The following GABRG3 variants were observed in gnomAD, a reference collection of about 807,000 sequenced individuals.
The protein encoded by GABRG3 is gamma-aminobutyric acid receptor subunit gamma-3.
GABRG3 carries 25 observed loss-of-function variants against 48.8 expected under a neutral mutation model. The ratio of observed to expected loss-of-function variants is 0.51; its 90% CI spans 0.37 to 0.72. GABRG3 has a LOEUF of 0.72. Among genes scored for constraint, GABRG3 ranks in the 30% least tolerant of loss-of-function variants. The probability of loss-of-function intolerance (pLI) is 0.00; values close to 1 mark genes in which losing one functional copy is unlikely to be tolerated. For missense variants in GABRG3, 394 were observed against 577.9 expected (o/e 0.68, Z 3.26); for synonymous variants, 227 against 217.6 (o/e 1.04, Z -0.38).
rs1266376837 is a variant in GABRG3 at position 27,308,290 on chromosome 15, TATATAAACATC to T, written c.271-18508_271-18498del. Among the ~76,000 whole-genome samples, 77 of 135,758 alleles carry T rather than the reference TATATAAACATC, an allele frequency of 5.7e-4. 1 individual carries two copies. Among genetic ancestry groups the T allele is most frequent in the African/African-American group, 2.1e-3 (70 of 32,864 alleles). 89.1% of individuals were successfully genotyped at this position (135,758 alleles called of 152,430 possible). ...TAAACATAATATAAACATACGTTTA[TATATAAACATC>T]ATATAAACATATATAAACATACGTT... On this transcript the variant is annotated intron_variant, in intron 3 of 9. Coordinates refer to ENST00000615808, the MANE Select transcript of GABRG3 (RefSeq NM_033223.5).
chr15:27,422,899 C>A (rs1595744829), intron 5 of GABRG3, among the ~76,000 whole-genome samples: 1 of 152,210 alleles, frequency 6.6e-6, no homozygotes, highest in African/African-American at 2.4e-5. Context: ...AGAGCAAGAG[C>A]AACTGGGAAA....
intron 3 of GABRG3, among the ~76,000 whole-genome samples, chr15:27,298,271 T>C (rs1449652123): frequency 2.0e-5 from 3 of 152,278 alleles, no homozygotes; most frequent in Admixed American, 2.0e-4. Flanking sequence ...AAGAAAGATA[T>C]ACCATGTGTA....
At chr15:27,422,067 C>CTT (rs2140612229) in intron 5 of GABRG3, among the ~76,000 whole-genome samples, 1 of 150,482 alleles carries the variant, frequency 6.6e-6, no homozygotes, top group Non-Finnish European at 1.5e-5. Context: ...TGGGAGTGGG[C>CTT]TGCATATCCA....
chr15:27,365,937 C>A (rs1397648616), intron 5 of GABRG3: 1 of 152,108 alleles, frequency 6.6e-6, no homozygotes, highest in African/African-American at 2.4e-5. Context: ...ATTTATAGGG[C>A]TTGTTGTTAT....
chr15:27,088,245 CGGGGCGGGCGCGGGGGCGGGCGCG>C (rs71130298), intron 3 of GABRG3, among the ~76,000 whole-genome samples: 86 of 107,916 alleles, frequency 8.0e-4, no homozygotes, highest in African/African-American at 2.7e-3. Context: ...TGGGAGTGCT[CGGGGCGGGCGCGGGGGCGGGCGCG>C]GGGGCGGGCG....
chr15:27,339,413 A>C (rs1016218579), intron 5 of GABRG3, among the ~76,000 whole-genome samples: 1 of 152,242 alleles, frequency 6.6e-6, no homozygotes, highest in African/African-American at 2.4e-5. Context: ...CATGCTAGGC[A>C]GGCCTCTGCC....
At chr15:27,327,797 G>A (rs1187991322) in intron 4 of GABRG3, among the ~76,000 whole-genome samples, 1 of 152,064 alleles carries the variant, frequency 6.6e-6, no homozygotes, top group African/African-American at 2.4e-5. Context: ...CACTGCCCCG[G>A]GGCACAGGGC....
At chr15:27,244,953 A>C (rs888583136) in intron 3 of GABRG3, among the ~76,000 whole-genome samples, 1 of 152,124 alleles carries the variant, frequency 6.6e-6, no homozygotes, top group African/African-American at 2.4e-5. Flanking sequence ...AGGTTTTTAA[A>C]AATTTCCACG....
At chr15:27,360,893 G>C (rs938436410) in intron 5 of GABRG3, among the ~76,000 whole-genome samples, 1 of 152,206 alleles carries the variant, frequency 6.6e-6, no homozygotes, top group African/African-American at 2.4e-5. Flanking sequence ...TGGGGGACTT[G>C]AGTTCCAGCT....
intron 5 of GABRG3, among the ~76,000 whole-genome samples, chr15:27,453,346 A>G (rs1477394283): frequency 6.6e-6 from 1 of 152,210 alleles, no homozygotes; most frequent in Non-Finnish European, 1.5e-5. Flanking sequence ...TAATTAGCTT[A>G]ATTATGGGAA....
intron 5 of GABRG3, among the ~76,000 whole-genome samples, chr15:27,339,641 ACCT>A (rs1312235712): frequency 6.6e-6 from 1 of 151,684 alleles, no homozygotes. Context: ...CCAATAACTG[ACCT>A]CCTTACTTTG....
At chr15:27,368,307 A>G (rs1235989766) in intron 5 of GABRG3, among the ~76,000 whole-genome samples, 1 of 152,142 alleles carries the variant, frequency 6.6e-6, no homozygotes, top group Non-Finnish European at 1.5e-5. Context: ...TGTGTGGGCA[A>G]AGCAGGTGGA....
intron 3 of GABRG3, among the ~76,000 whole-genome samples, chr15:27,202,008 A>G (rs556747845): frequency 2.8e-4 from 42 of 152,284 alleles, no homozygotes; most frequent in African/African-American, 9.9e-4. Flanking sequence ...AAATACCATC[A>G]TACAAGTATA....
intron 3 of GABRG3, among the ~76,000 whole-genome samples, chr15:27,054,896 G>T (rs1037148929): frequency 6.6e-6 from 1 of 152,064 alleles, no homozygotes; most frequent in Admixed American, 6.5e-5. Context: ...TTTTGAGGGG[G>T]ACTCTGAGTG....
Position 27,536,509 on chromosome 15 carries a change from A to G in GABRG3, c.*3628A>G, listed in dbSNP as rs1191470080. The stretch of plus-strand genomic sequence containing the variant: ...TAGGATTTCATTTCTTTATATGCCA[A>G]ACAGTCTTACCCTTAATTTTACATC... On this transcript the variant is annotated 3_prime_UTR_variant, in exon 10 of 10. Transcript: ENST00000615808. 6.6e-6 allele frequency: 1 copy of G among 152,204 alleles called. No individual in the cohort carries two copies. Among genetic ancestry groups the G allele is most frequent in the Non-Finnish European group, 1.5e-5 (1 of 68,038 alleles). The allele number at this position is 152,204 out of a possible 1,614,324, so 9.4% of individuals were successfully genotyped here.
intron 3 of GABRG3, among the ~76,000 whole-genome samples, chr15:27,120,557 A>C (rs1267899294): frequency 6.6e-6 from 1 of 151,912 alleles, no homozygotes; most frequent in African/African-American, 2.4e-5. Flanking sequence ...CTGATAAAGT[A>C]ATTAGTAATT....
intron 5 of GABRG3, among the ~76,000 whole-genome samples, chr15:27,335,601 C>T (rs1408405099): frequency 6.6e-6 from 1 of 152,022 alleles, no homozygotes; most frequent in Admixed American, 6.6e-5. Context: ...GTACTCTATG[C>T]CTGCACCTCC....
At chr15:27,126,736 T>C (rs951639292) in intron 3 of GABRG3, among the ~76,000 whole-genome samples, 1 of 152,222 alleles carries the variant, frequency 6.6e-6, no homozygotes, top group Non-Finnish European at 1.5e-5. Flanking sequence ...GCCTCTGAAC[T>C]TGCAGCACCG....
At chr15:27,303,221 CAAAGTT>C (rs1892272612) in intron 3 of GABRG3, among the ~76,000 whole-genome samples, 1 of 146,252 alleles carries the variant, frequency 6.8e-6, no homozygotes, top group African/African-American at 2.5e-5. Flanking sequence ...TCAAGACTGA[CAAAGTT>C]AAAAAAAAAA....
Sources: gnomAD v4.1 joint callset for allele counts (sites outside exome capture counted in the v4.1 genomes callset) on GRCh38, gnomAD v4.1.1 for gene constraint, MANE v1.5 for transcripts, NCBI Gene and HGNC (gene_info 2026-07-23, HGNC 2026-07-21) for gene names.